FYB2: variants seen among roughly 807,000 people sequenced by gnomAD.
FYB2 encodes the protein FYN-binding protein 2.
A neutral mutation model predicts 94.1 loss-of-function variants in FYB2; 103 were observed. The observed-to-expected ratio is 1.09, with a 90% CI of 0.93 to 1.29. The LOEUF (loss-of-function observed/expected upper bound fraction) is 1.29. FYB2 is among the 50% of genes most tolerant of loss of function. The pLI is 0.00. For synonymous variants in FYB2, 293 were observed against 287.9 expected, an observed-to-expected ratio of 1.02 and a Z score of -0.18; for missense variants, 896 against 841.5, an observed-to-expected ratio of 1.06 and a Z score of -0.80.
chr1:56,727,980 C>T (rs1012347685), intron 15 of FYB2, among the ~76,000 whole-genome samples: 5 of 152,018 alleles, frequency 3.3e-5, no homozygotes, highest in Admixed American at 1.3e-4. Context: ...TGTGAATAGC[C>T]ACTGCATTTC....
chr1:56,821,544 C>T (rs1646991863), upstream of FYB2, among the ~76,000 whole-genome samples: 2 of 152,160 alleles, frequency 1.3e-5, no homozygotes, highest in Admixed American at 1.3e-4. Context: ...TAAAAGTAAA[C>T]AAGAGTCTGG....
intron 4 of FYB2, among the ~76,000 whole-genome samples, chr1:56,774,690 T>C (rs1195921861): frequency 6.6e-6 from 1 of 152,076 alleles, no homozygotes; most frequent in Admixed American, 6.5e-5. Context: ...CTTGATTGGA[T>C]TGAAGGATGC....
intron 8 of FYB2, 126 bp downstream of exon 8, chr1:56,753,713 A>G (rs973608303): frequency 3.1e-6 from 2 of 651,270 alleles, no homozygotes; most frequent in South Asian, 2.0e-5. Context: ...TCCTTGATAC[A>G]ATATCAAATG....
intron 9 of FYB2, among the ~76,000 whole-genome samples, chr1:56,745,167 T>C (rs1158537841): frequency 6.6e-6 from 1 of 152,010 alleles, no homozygotes; most frequent in Non-Finnish European, 1.5e-5. Flanking sequence ...ACACACAGTT[T>C]CTTCTTAGTC....
intron 5 of FYB2, among the ~76,000 whole-genome samples, chr1:56,760,687 A>G (rs575815715): frequency 1.2e-4 from 19 of 152,242 alleles, no homozygotes; most frequent in African/African-American, 4.6e-4. Context: ...CTTGAGATGG[A>G]TATTATTACT....
intron 14 of FYB2, chr1:56,737,385 A>T (rs2100580953): frequency 2.9e-6 from 1 of 341,034 alleles, no homozygotes; most frequent in East Asian, 5.5e-5. Context: ...ATCTCAAAAC[A>T]TATATATTTA....
chr1:56,825,420 G>A, the FYB2 span, among the ~76,000 whole-genome samples: 5 of 152,072 alleles, frequency 3.3e-5, no homozygotes, highest in African/African-American at 9.7e-5. Flanking sequence ...CCTTTCTCTT[G>A]GCTTCCACCT....
At chr1:56,742,366 A>G (rs150709362) in intron 11 of FYB2, 145 bp from the exon 12 acceptor site, 2 of 554,422 alleles carry the variant, frequency 3.6e-6, no homozygotes. Context: ...ACTCACCCAC[A>G]TGTTTTTAAA....
chr1:56,740,622 T>C lies in FYB2; in HGVS notation c.1703+75A>G, dbSNP rs1644929272. 13 of 843,982 alleles carry C rather than the reference T, an allele frequency of 1.5e-5. No homozygotes were observed. The East Asian group carries it at 2.2e-4, about 14-fold the overall frequency. 52.3% of individuals were successfully genotyped at this position (843,982 alleles called of 1,614,324 possible). On this transcript the variant is annotated intron_variant, in intron 13 of 19. Transcript: ENST00000343433. ...GATATCCCCTTCACTGTTTCTGAGA[T>C]TGGATGGAGAACATCAACTTGTGTA... is the stretch of plus-strand genomic sequence containing the variant.
At chr1:56,797,332 G>A (rs1174492095) in intron 1 of FYB2, among the ~76,000 whole-genome samples, 2 of 152,166 alleles carry the variant, frequency 1.3e-5, no homozygotes, top group African/African-American at 4.8e-5. Context: ...CTACTGATGG[G>A]TTTCCTGGTG....
chr1:56,748,365 T>G (rs1038951737), intron 9 of FYB2, among the ~76,000 whole-genome samples: 1 of 152,108 alleles, frequency 6.6e-6, no homozygotes, highest in Non-Finnish European at 1.5e-5. Flanking sequence ...TCTTCTTGGG[T>G]TTTTATGGTT....
At chr1:56,796,225 A>G (rs936821463) in intron 1 of FYB2, among the ~76,000 whole-genome samples, 4 of 152,126 alleles carry the variant, frequency 2.6e-5, no homozygotes, top group Non-Finnish European at 2.9e-5. Context: ...TTTCCTTACA[A>G]TTGATGGGAA....
intron 1 of FYB2, among the ~76,000 whole-genome samples, chr1:56,801,954 T>C (rs1224794758): frequency 1.3e-5 from 2 of 152,200 alleles, no homozygotes; most frequent in Non-Finnish European, 2.9e-5. Flanking sequence ...GTAGCTCCTA[T>C]CTACTTTGCA....
chr1:56,734,459 T>C (rs1023169614), intron 15 of FYB2, among the ~76,000 whole-genome samples: 6 of 152,092 alleles, frequency 3.9e-5, no homozygotes, highest in African/African-American at 7.2e-5. Flanking sequence ...ATGGCACATA[T>C]ACACAATGGA....
chr1:56,763,093 C>T (rs1489744263), intron 5 of FYB2, among the ~76,000 whole-genome samples: 1 of 152,116 alleles, frequency 6.6e-6, no homozygotes, highest in Non-Finnish European at 1.5e-5. Context: ...TATACCACAA[C>T]CAAATGAAGA....
chr1:56,792,125 G>GCAAAAA lies in FYB2; in HGVS notation c.687_688insTTTTTG (p.Pro229_Pro230insPheLeu). On this transcript the variant is annotated inframe_insertion, in exon 2 of 20. Coordinates refer to ENST00000343433, the MANE Select transcript of FYB2 (RefSeq NM_001004303.5). Reference sequence around the variant, plus strand: ...GGGCTGCTTGCCGGGCTCCTCTCAGGAGGTGGGTTTTCCCAGCTTTTTCTG... The same window carrying GCAAAAA: ...GGGCTGCTTGCCGGGCTCCTCTCAGGCAAAAAAGGTGGGTTTTCCCAGCTTTTTCTG... The GCAAAAA allele has an allele frequency of 6.2e-7, 1 of 1,613,742 alleles. No homozygotes were observed. Among genetic ancestry groups the GCAAAAA allele is most frequent in the South Asian group, 1.1e-5 (1 of 90,972 alleles).
At chr1:56,787,147 C>A (rs1242950760) in intron 4 of FYB2, 28 bp downstream of exon 4, 1 of 1,613,422 alleles carries the variant, frequency 6.2e-7, no homozygotes, top group South Asian at 1.1e-5. Flanking sequence ...GGGCTACGTT[C>A]CTACACAACT....
chr1:56,751,298 T>C, intron 8 of FYB2, 95 bp from the exon 9 acceptor site: 1 of 1,226,526 alleles, frequency 8.2e-7, no homozygotes, highest in Non-Finnish European at 1.1e-6. Flanking sequence ...TCCTCATGGA[T>C]AACAATTATT....
intron 17 of FYB2, among the ~76,000 whole-genome samples, chr1:56,721,413 A>G (rs1382407203): frequency 2.6e-5 from 4 of 152,016 alleles, no homozygotes; most frequent in Admixed American, 2.6e-4. Flanking sequence ...ATCATATATT[A>G]CAAGATCAAC....
Sources: gnomAD v4.1 joint callset for allele counts (sites outside exome capture counted in the v4.1 genomes callset) on GRCh38, gnomAD v4.1.1 for gene constraint, MANE v1.5 for transcripts, NCBI Gene and HGNC (gene_info 2026-07-23, HGNC 2026-07-21) for gene names.